The following PPP2R2B variants were observed in gnomAD, a reference collection of about 807,000 sequenced individuals.
The protein encoded by PPP2R2B is protein phosphatase 2 regulatory subunit Bbeta, also known as serine/threonine-protein phosphatase 2A 55 kDa regulatory subunit B beta isoform.
A neutral mutation model predicts 46.0 loss-of-function variants in PPP2R2B; 5 were observed. The observed-to-expected ratio is 0.11, with a 90% CI of 0.06 to 0.23. PPP2R2B has a LOEUF of 0.23. Ranked by LOEUF, PPP2R2B falls within the 10% of genes least tolerant of loss-of-function variation. The probability of loss-of-function intolerance (pLI) is 1.00; values close to 1 mark genes in which losing one functional copy is unlikely to be tolerated. For missense variants in PPP2R2B, 367 were observed against 575.0 expected, an observed-to-expected ratio of 0.64 and a Z score of 3.70; for synonymous variants, 215 against 206.7, an observed-to-expected ratio of 1.04 and a Z score of -0.34.
intron 1 of PPP2R2B, among the ~76,000 whole-genome samples, chr5:146,923,086 C>G (rs531843743): frequency 6.6e-6 from 1 of 152,306 alleles, no homozygotes; most frequent in Admixed American, 6.5e-5. Context: ...AAAGCTTTGA[C>G]AGCTCCAGGT....
At position 146,773,425 on chromosome 5, in the gene PPP2R2B, T is replaced by C. The variant is rs978984745; in HGVS notation, c.71-72283A>G. Among the ~76,000 whole-genome samples the C allele has an allele frequency of 5.3e-5, 8 of 152,354 alleles. No individual in the cohort carries two copies. In the South Asian group the frequency reaches 1.0e-3, roughly 20 times the overall value. Reference sequence around the variant, plus strand: ...TGCTCTTCTTTCAGACTGTGGTTTATTATGATCTAGATTTGAATTAAAGCA... The same window carrying C: ...TGCTCTTCTTTCAGACTGTGGTTTACTATGATCTAGATTTGAATTAAAGCA... On this transcript the variant is annotated intron_variant, in intron 2 of 9. Coordinates refer to ENST00000394411, the MANE Select transcript of PPP2R2B (RefSeq NM_181675.4).
intron 2 of PPP2R2B, among the ~76,000 whole-genome samples, chr5:146,737,298 A>G (rs1581987227): frequency 6.6e-6 from 1 of 152,180 alleles, no homozygotes; most frequent in African/African-American, 2.4e-5. Context: ...TACTTCATGC[A>G]AAGACCTAGA....
chr5:147,058,309 C>T (rs539587123), upstream of PPP2R2B, among the ~76,000 whole-genome samples: 2 of 152,104 alleles, frequency 1.3e-5, no homozygotes, highest in Non-Finnish European at 2.9e-5. Context: ...CAAACAAAGG[C>T]ATTATGGAAT....
rs1043170955 is a variant in PPP2R2B, at chr5:146,580,966, G to A, written c.*8981C>T. ...TGTACTTTGAAAAAATCAGCTTTTT[G>A]AGCTGAACTTTCTTGTTCCATGATG... On this transcript the variant is annotated 3_prime_UTR_variant, in exon 10 of 10. Transcript: ENST00000394411. Among the ~76,000 whole-genome samples, 1 of 151,962 alleles carries A rather than the reference G, an allele frequency of 6.6e-6. No individual in the cohort carries two copies. The highest frequency in any genetic ancestry group is 2.4e-5 in the African/African-American group (1 of 41,372).
At position 146,589,823 on chromosome 5, in the gene PPP2R2B, A is replaced by G. The variant is rs1481363365; in HGVS notation, c.*124T>C. The stretch of plus-strand genomic sequence containing the variant: ...GGAATGTTGGACTCCTTTTAATTCT[A>G]TTCCAATCATTTCCTGTATAGGGAA... On this transcript the variant is annotated 3_prime_UTR_variant, in exon 10 of 10. Transcript: ENST00000394411. 2.8e-6 allele frequency: 3 copies of G among 1,057,640 alleles called. No individual in the cohort carries two copies. Among genetic ancestry groups the G allele is most frequent in the Non-Finnish European group, 4.1e-6 (3 of 727,870 alleles). The allele number at this position is 1,057,640 out of a possible 1,614,324, so 65.5% of individuals were successfully genotyped here.
chr5:146,821,138 AAC>A (rs1281071464), intron 2 of PPP2R2B, among the ~76,000 whole-genome samples: 1 of 152,076 alleles, frequency 6.6e-6, no homozygotes, highest in Non-Finnish European at 1.5e-5. Context: ...TCCACAGAGA[AAC>A]ACACACAATA....
intron 4 of PPP2R2B, among the ~76,000 whole-genome samples, chr5:146,696,294 C>T (rs868034121): frequency 1.3e-5 from 2 of 152,042 alleles, no homozygotes; most frequent in Non-Finnish European, 2.9e-5. Flanking sequence ...TTAGTAGGGA[C>T]GGGGTTTCAC....
At chr5:146,652,438 G>A (rs887109668) in intron 5 of PPP2R2B, among the ~76,000 whole-genome samples, 9 of 152,168 alleles carry the variant, frequency 5.9e-5, no homozygotes, top group African/African-American at 2.2e-4. Context: ...TCATATACCT[G>A]TTCTTGTCAG....
intron 1 of PPP2R2B, among the ~76,000 whole-genome samples, chr5:146,993,302 A>C (rs1462311317): frequency 6.6e-6 from 1 of 151,722 alleles, no homozygotes; most frequent in African/African-American, 2.4e-5. Flanking sequence ...GAGTGCAGTG[A>C]CACCATGTTG....
At chr5:147,011,482 A>G (rs528287115) in intron 1 of PPP2R2B, among the ~76,000 whole-genome samples, 4 of 152,338 alleles carry the variant, frequency 2.6e-5, no homozygotes, top group Admixed American at 2.6e-4. Context: ...AGTATTATGT[A>G]AAATTACCTT....
chr5:146,869,991 A>G (rs1761520408), intron 2 of PPP2R2B, among the ~76,000 whole-genome samples: 3 of 152,106 alleles, frequency 2.0e-5, no homozygotes, highest in African/African-American at 7.2e-5. Context: ...CTTTCAGACC[A>G]CCTGGGAACT....
intron 1 of PPP2R2B, among the ~76,000 whole-genome samples, chr5:147,050,340 T>C (rs1170756050): frequency 2.6e-5 from 4 of 152,164 alleles, no homozygotes; most frequent in African/African-American, 9.6e-5. Context: ...GAATGATGGA[T>C]GAGAAAATGA....
chr5:146,932,922 A>G (rs1046217169), intron 1 of PPP2R2B, among the ~76,000 whole-genome samples: 3 of 152,200 alleles, frequency 2.0e-5, no homozygotes, highest in Non-Finnish European at 2.9e-5. Context: ...TATATCTAGC[A>G]GAGATATTAC....
chr5:146,839,901 T>C (rs904827853), intron 2 of PPP2R2B, among the ~76,000 whole-genome samples: 2 of 152,192 alleles, frequency 1.3e-5, no homozygotes, highest in African/African-American at 2.4e-5. Flanking sequence ...TTTACTTCCT[T>C]AGGGTATGAG....
intron 1 of PPP2R2B, chr5:146,922,516 C>A (rs1041777830): frequency 1.3e-5 from 2 of 152,198 alleles, no homozygotes; most frequent in African/African-American, 2.4e-5. Context: ...CTCTCTTCAA[C>A]ATCCTAGACT....
chr5:146,652,079 G>A (rs934420311), intron 5 of PPP2R2B, among the ~76,000 whole-genome samples: 2 of 152,142 alleles, frequency 1.3e-5, no homozygotes, highest in Non-Finnish European at 2.9e-5. Flanking sequence ...GAAAGGGAAG[G>A]AAAGTCTTTG....
At chr5:146,687,518 A>T (rs1429530206) in intron 5 of PPP2R2B, among the ~76,000 whole-genome samples, 1 of 152,186 alleles carries the variant, frequency 6.6e-6, no homozygotes, top group East Asian at 1.9e-4. Context: ...TTCACCTGCT[A>T]AATACCTGTC....
chr5:146,728,137 A>AC (rs1751994322), intron 2 of PPP2R2B, among the ~76,000 whole-genome samples: 1 of 92,566 alleles, frequency 1.1e-5, no homozygotes, highest in African/African-American at 5.0e-5. Context: ...GGAAACACTT[A>AC]CTTTTTTTTT....
intron 4 of PPP2R2B, among the ~76,000 whole-genome samples, chr5:146,694,854 T>C (rs759711241): frequency 2.0e-5 from 3 of 152,168 alleles, no homozygotes; most frequent in Non-Finnish European, 4.4e-5. Context: ...AAACATAATA[T>C]GGCATACTTA....
Sources: allele counts gnomAD v4.1 joint callset (sites outside exome capture counted in the v4.1 genomes callset), GRCh38; gene constraint gnomAD v4.1.1; transcripts MANE v1.5; gene names NCBI Gene and HGNC (gene_info 2026-07-23, HGNC 2026-07-21).